ZNF704: variants seen among roughly 807,000 people sequenced by gnomAD.
The protein encoded by ZNF704 is glucocorticoid induced gene 1.
Under a neutral mutation model 44.7 loss-of-function variants are expected in ZNF704, and 10 were observed. That is an observed-to-expected ratio of 0.22 (90% CI 0.14 to 0.38). The LOEUF (loss-of-function observed/expected upper bound fraction) is 0.38, where lower values mean the gene tolerates loss of function less well. ZNF704 is among the 10% of genes least tolerant of loss of function. The pLI is 1.00. For synonymous variants in ZNF704, 211 were observed against 207.6 expected (o/e 1.02, Z -0.14); for missense variants, 390 against 545.5 (o/e 0.71, Z 2.84).
At chr8:80,843,973 A>ATGTG (rs1274358698) in intron 1 of ZNF704, among the ~76,000 whole-genome samples, 9 of 87,208 alleles carry the variant, frequency 1.0e-4, no homozygotes, top group African/African-American at 5.4e-4. Context: ...ATATATGTGT[A>ATGTG]TATATATATA....
intron 2 of ZNF704, among the ~76,000 whole-genome samples, chr8:80,752,717 T>C (rs1157805779): frequency 6.6e-6 from 1 of 152,108 alleles, no homozygotes; most frequent in African/African-American, 2.4e-5. Context: ...AATTCTGTAT[T>C]TTTAGTAGAG....
At chr8:80,707,719 T>C (rs927483470) in intron 2 of ZNF704, among the ~76,000 whole-genome samples, 1 of 152,246 alleles carries the variant, frequency 6.6e-6, no homozygotes, top group East Asian at 1.9e-4. Flanking sequence ...TTAAATTCGA[T>C]TGTTTCAATC....
At chr8:80,723,175 C>T (rs569704295) in intron 2 of ZNF704, among the ~76,000 whole-genome samples, 2 of 152,136 alleles carry the variant, frequency 1.3e-5, no homozygotes, top group Non-Finnish European at 2.9e-5. Context: ...AGTGTCATTC[C>T]AGTAATATAT....
In ZNF704 at chr8:80,710,465, C is replaced by T. The variant is rs535943598; in HGVS notation, c.222-17358G>A. Among the ~76,000 whole-genome samples, 45 of 152,252 alleles carry T rather than the reference C, an allele frequency of 3.0e-4. 1 individual carries two copies. The South Asian group carries it at 8.9e-3, about 30-fold the overall frequency. On this transcript the variant is annotated intron_variant, in intron 2 of 8. Coordinates refer to ENST00000327835, the MANE Select transcript of ZNF704 (RefSeq NM_001033723.3). ...TGGATTTCCACCCAGGCAGCTGGCA[C>T]TACAGTATGTATGTGTTACGACAGT... is the stretch of plus-strand genomic sequence containing the variant.
chr8:80,881,883 G>A, the ZNF704 span, among the ~76,000 whole-genome samples: 4 of 152,276 alleles, frequency 2.6e-5, no homozygotes, highest in East Asian at 7.7e-4. Flanking sequence ...AGCTGAGATA[G>A]CGCCAGTGCA....
At chr8:80,693,149 T>A in intron 2 of ZNF704, 42 bp from the exon 3 acceptor site, 1 of 1,553,880 alleles carries the variant, frequency 6.4e-7, no homozygotes. Context: ...TCACTCTGCA[T>A]CTGCTGTGGG....
At position 80,723,609 on chromosome 8, in the gene ZNF704, G is replaced by A. The variant is rs115299312; in HGVS notation, c.222-30502C>T. ...ATGATGGTGAGAATCAAATCTCTAT[G>A]GTATTTAGATTCCACTGGATAACCT... On this transcript the variant is annotated intron_variant, in intron 2 of 8. Transcript: ENST00000327835. Among the ~76,000 whole-genome samples, 1,370 of 152,180 alleles carry A rather than the reference G, an allele frequency of 9.0e-3. 24 individuals carry two copies. The highest frequency in any genetic ancestry group is 0.032 in the African/African-American group (1,319 of 41,528).
intron 2 of ZNF704, among the ~76,000 whole-genome samples, chr8:80,756,241 T>G (rs1807033033): frequency 6.6e-6 from 1 of 152,156 alleles, no homozygotes; most frequent in African/African-American, 2.4e-5. Flanking sequence ...TCACTCCCTC[T>G]AAGAAAACCA....
At chr8:80,862,764 C>CAAAAAAAAA (rs71266094) in intron 1 of ZNF704, among the ~76,000 whole-genome samples, 1 of 13,072 alleles carries the variant, frequency 7.6e-5, no homozygotes, top group Non-Finnish European at 1.6e-4. Context: ...GACTCCGTCT[C>CAAAAAAAAA]AAAAAAAAAA....
chr8:80,733,898 A>C (rs949356087), intron 2 of ZNF704, among the ~76,000 whole-genome samples: 2 of 152,216 alleles, frequency 1.3e-5, no homozygotes, highest in Non-Finnish European at 2.9e-5. Flanking sequence ...CCCTACAAAA[A>C]AGTGGAAATC....
At chr8:80,735,883 C>T (rs1806657008) in intron 2 of ZNF704, among the ~76,000 whole-genome samples, 1 of 152,134 alleles carries the variant, frequency 6.6e-6, no homozygotes, top group Non-Finnish European at 1.5e-5. Context: ...TTCTTAAACT[C>T]ATATGCAGCA....
At chr8:80,741,138 C>T (rs1447324355) in intron 2 of ZNF704, among the ~76,000 whole-genome samples, 3 of 152,216 alleles carry the variant, frequency 2.0e-5, no homozygotes, top group Admixed American at 6.5e-5. Flanking sequence ...GCATAACAGG[C>T]TTCTGCCGAA....
intron 2 of ZNF704, among the ~76,000 whole-genome samples, chr8:80,771,344 G>T (rs1212311035): frequency 1.3e-5 from 2 of 152,026 alleles, no homozygotes; most frequent in African/African-American, 4.8e-5. Context: ...AACATGGTAT[G>T]TCTCTCCATT....
chr8:80,709,017 AG>A (rs1263939411), intron 2 of ZNF704, among the ~76,000 whole-genome samples: 1 of 152,212 alleles, frequency 6.6e-6, no homozygotes, highest in African/African-American at 2.4e-5. Context: ...AAAAATATAG[AG>A]AAAAAAGTGT....
chr8:80,759,924 A>G (rs969619375), intron 2 of ZNF704, among the ~76,000 whole-genome samples: 4 of 152,142 alleles, frequency 2.6e-5, no homozygotes, highest in African/African-American at 9.7e-5. Context: ...CAGCTAATTA[A>G]AAAAATACAT....
intron 2 of ZNF704, among the ~76,000 whole-genome samples, chr8:80,715,147 C>CA (rs963146315): frequency 2.0e-5 from 3 of 151,982 alleles, no homozygotes; most frequent in Non-Finnish European, 4.4e-5. Flanking sequence ...AATAATATTG[C>CA]AAAAAAATAA....
intron 6 of ZNF704, among the ~76,000 whole-genome samples, chr8:80,660,677 A>G (rs1292897048): frequency 6.6e-6 from 1 of 152,184 alleles, no homozygotes; most frequent in Non-Finnish European, 1.5e-5. Context: ...CGATGAGAAC[A>G]TACACTGGGG....
chr8:80,645,119 C>T (rs1003608498), intron 7 of ZNF704: 5 of 1,607,338 alleles, frequency 3.1e-6, no homozygotes, highest in Admixed American at 1.7e-5. Context: ...CATGTCGATA[C>T]TCAAACTCCT....
intron 2 of ZNF704, among the ~76,000 whole-genome samples, chr8:80,698,241 C>A (rs954172683): frequency 2.0e-5 from 3 of 152,160 alleles, no homozygotes; most frequent in Non-Finnish European, 2.9e-5. Flanking sequence ...CATAAACTTA[C>A]AAATGTGATA....
Sources: allele counts gnomAD v4.1 joint callset (sites outside exome capture counted in the v4.1 genomes callset), GRCh38; gene constraint gnomAD v4.1.1; transcripts MANE v1.5; gene names NCBI Gene and HGNC (gene_info 2026-07-23, HGNC 2026-07-21).